The following TJP2 variants were observed in gnomAD, a reference collection of about 807,000 sequenced individuals.
TJP2 encodes the protein Friedreich ataxia region gene X104 (tight junction protein ZO-2).
In TJP2, 91 loss-of-function variants were observed where a neutral mutation model predicts 133.1. The observed-to-expected ratio is 0.68, with a 90% confidence interval of 0.58 to 0.81. The LOEUF is 0.81. Ranked by LOEUF, TJP2 falls within the 40% of genes least tolerant of loss-of-function variation. TJP2 has a pLI of 0.00. For synonymous variants in TJP2, 592 were observed against 583.4 expected (o/e 1.01, Z -0.21); for missense variants, 1,541 against 1,565.6 (o/e 0.98, Z 0.26).
chr9:69,132,522 C>G (rs1822541302), intron 1 of TJP2, among the ~76,000 whole-genome samples: 1 of 152,130 alleles, frequency 6.6e-6, no homozygotes, highest in Non-Finnish European at 1.5e-5. Context: ...GCACCTAGAT[C>G]CTGGGTTCAG....
chr9:69,136,458 A>G (rs998365347), intron 1 of TJP2, among the ~76,000 whole-genome samples: 1 of 152,224 alleles, frequency 6.6e-6, no homozygotes, highest in African/African-American at 2.4e-5. Context: ...TGATGGTAAA[A>G]GGTATCCTAA....
At chr9:69,134,106 G>A (rs1438438266) in intron 1 of TJP2, among the ~76,000 whole-genome samples, 1 of 152,168 alleles carries the variant, frequency 6.6e-6, no homozygotes, top group Admixed American at 6.5e-5. Context: ...ATTAGACTGG[G>A]TGATTTTTGA....
intron 1 of TJP2, among the ~76,000 whole-genome samples, chr9:69,194,654 G>T (rs1394299744): frequency 3.3e-5 from 5 of 152,204 alleles, no homozygotes; most frequent in Admixed American, 2.0e-4. Flanking sequence ...AGAAACTTCT[G>T]TTGGAGAGTA....
chr9:69,253,401 T>A (rs1831481313), intron 22 of TJP2: 1 of 157,910 alleles, frequency 6.3e-6, no homozygotes, highest in Non-Finnish European at 1.4e-5. Flanking sequence ...AGTTTTATAC[T>A]GGATTGCTTC....
At chr9:69,240,616 G>C (rs1830515604) in intron 17 of TJP2, among the ~76,000 whole-genome samples, 1 of 152,142 alleles carries the variant, frequency 6.6e-6, no homozygotes. Context: ...AGGATCACTT[G>C]AGCCCAGGGG....
intron 22 of TJP2, chr9:69,253,966 G>A (rs1225968375): frequency 1.8e-6 from 1 of 552,170 alleles, no homozygotes; most frequent in Non-Finnish European, 3.3e-6. Context: ...TGTCCAACAG[G>A]GAGATTCTTA....
At chr9:69,128,592 G>A (rs1034058196) in intron 1 of TJP2, among the ~76,000 whole-genome samples, 4 of 148,904 alleles carry the variant, frequency 2.7e-5, no homozygotes, top group African/African-American at 1.0e-4. Context: ...GAGTGATCTC[G>A]TTTCACTACA....
At chr9:69,243,289 T>C (rs1830694897) in intron 17 of TJP2, among the ~76,000 whole-genome samples, 1 of 152,258 alleles carries the variant, frequency 6.6e-6, no homozygotes, top group Non-Finnish European at 1.5e-5. Flanking sequence ...TTAGTCTCTT[T>C]AGGCTCAATA....
intron 3 of TJP2, among the ~76,000 whole-genome samples, chr9:69,217,114 C>G (rs1019526015): frequency 6.6e-6 from 1 of 151,842 alleles, no homozygotes; most frequent in African/African-American, 2.4e-5. Flanking sequence ...CCTCAGCCAC[C>G]TGAGTAGCTG....
intron 1 of TJP2, chr9:69,204,732 C>G (rs1047938090): frequency 5.4e-6 from 4 of 745,666 alleles, no homozygotes; most frequent in Non-Finnish European, 4.9e-6. Context: ...TTATTTCTAG[C>G]TGGCGTGTGT....
intron 1 of TJP2, among the ~76,000 whole-genome samples, chr9:69,145,123 TG>T (rs1398791647): frequency 6.6e-6 from 1 of 152,210 alleles, no homozygotes; most frequent in Non-Finnish European, 1.5e-5. Context: ...CCCACCAAAT[TG>T]TTTCTTAATT....
intron 1 of TJP2, among the ~76,000 whole-genome samples, chr9:69,200,869 C>T (rs904050407): frequency 7.2e-5 from 11 of 152,158 alleles, no homozygotes; most frequent in Admixed American, 2.0e-4. Context: ...ATTAATTCTT[C>T]CCAGTCTGCC....
upstream of TJP2, among the ~76,000 whole-genome samples, chr9:69,169,520 G>T (rs1484617053): frequency 6.6e-6 from 1 of 151,638 alleles, no homozygotes; most frequent in African/African-American, 2.4e-5. Context: ...TACCATGCCA[G>T]CTAATTTTTT....
intron 11 of TJP2, among the ~76,000 whole-genome samples, chr9:69,233,514 T>G (rs1829944055): frequency 6.6e-6 from 1 of 152,224 alleles, no homozygotes. Context: ...GGCTCACGCA[T>G]GTAATCCCAG....
chr9:69,253,554 G>A (rs187392712), intron 22 of TJP2: 1 of 159,570 alleles, frequency 6.3e-6, no homozygotes, highest in Non-Finnish European at 1.4e-5. Context: ...TCAGGTTCAA[G>A]CGATTCTCGT....
chr9:69,164,509 G>A (rs998982630), intron 2 of TJP2, among the ~76,000 whole-genome samples: 1 of 152,038 alleles, frequency 6.6e-6, no homozygotes, highest in East Asian at 1.9e-4. Context: ...CTGAAACTCA[G>A]TTAGACAATA....
At chr9:69,148,496 T>C (rs566234703) in intron 1 of TJP2, among the ~76,000 whole-genome samples, 1 of 149,674 alleles carries the variant, frequency 6.7e-6, no homozygotes, top group East Asian at 2.0e-4. Flanking sequence ...TGTCTCCACC[T>C]CCCAAGTAGC....
intron 1 of TJP2, among the ~76,000 whole-genome samples, chr9:69,202,746 G>A (rs949767663): frequency 3.9e-5 from 6 of 151,996 alleles, no homozygotes; most frequent in South Asian, 2.1e-4. Context: ...GTGCCCAGGC[G>A]GCAGAGGCGG....
intron 1 of TJP2, among the ~76,000 whole-genome samples, chr9:69,137,254 TTTC>T (rs1302079233): frequency 1.7e-4 from 5 of 28,656 alleles, no homozygotes; most frequent in African/African-American, 7.1e-4. Flanking sequence ...TCTCTCTTTC[TTTC>T]TTTCTTTCTT....
Sources: allele counts gnomAD v4.1 joint callset (sites outside exome capture counted in the v4.1 genomes callset), GRCh38; gene constraint gnomAD v4.1.1; transcripts MANE v1.5; gene names NCBI Gene and HGNC (gene_info 2026-07-23, HGNC 2026-07-21).